Variants in SPTBN1 observed in about 807,000 individuals in gnomAD.
SPTBN1 encodes spectrin beta, non-erythrocytic 1, also known as spectrin beta chain, non-erythrocytic 1.
Under a neutral mutation model 266.4 loss-of-function variants are expected in SPTBN1, and 32 were observed. The ratio of observed to expected loss-of-function variants is 0.12; its 90% CI spans 0.09 to 0.16. The LOEUF (loss-of-function observed/expected upper bound fraction) is 0.16, where lower values mean the gene tolerates loss of function less well. SPTBN1 is among the 10% of genes least tolerant of loss of function. The probability of loss-of-function intolerance (pLI) is 1.00; values close to 1 mark genes in which losing one functional copy is unlikely to be tolerated. For synonymous variants in SPTBN1, 1,336 were observed against 1,162.2 expected, an observed-to-expected ratio of 1.15 and a Z score of -3.04; for missense variants, 2,296 against 3,067.1, an observed-to-expected ratio of 0.75 and a Z score of 5.94.
At chr2:54,555,363 A>G (rs960655716) in intron 2 of SPTBN1, among the ~76,000 whole-genome samples, 2 of 152,182 alleles carry the variant, frequency 1.3e-5, no homozygotes, top group Non-Finnish European at 2.9e-5. Flanking sequence ...CTAGAAGGAA[A>G]TGTGCACTTG....
In SPTBN1 at chr2:54,621,386, T is replaced by C; in HGVS notation, c.764-14T>C. 6.2e-7 allele frequency: 1 copy of C among 1,606,734 alleles called. No individual in the cohort carries two copies. ...GCATGCAACACACTGAACAGAGTCT[T>C]CTCTGGGTTACAGACATCAGCGTGG... On this transcript the variant is annotated splice_polypyrimidine_tract_variant and intron_variant, in intron 7 of 35. Coordinates refer to ENST00000356805, the MANE Select transcript of SPTBN1 (RefSeq NM_003128.3).
At chr2:54,604,730 A>G (rs1244828893) in intron 3 of SPTBN1, among the ~76,000 whole-genome samples, 2 of 152,292 alleles carry the variant, frequency 1.3e-5, no homozygotes, top group African/African-American at 4.8e-5. Context: ...TATGGCTGGT[A>G]AAGGTTTAGG....
chr2:54,621,140 A>G (rs1012937729), intron 7 of SPTBN1, among the ~76,000 whole-genome samples: 2 of 152,222 alleles, frequency 1.3e-5, no homozygotes, highest in African/African-American at 4.8e-5. Flanking sequence ...GAGCTAACCC[A>G]GTATGGTAGT....
intron 1 of SPTBN1, among the ~76,000 whole-genome samples, chr2:54,486,790 A>G (rs1178942767): frequency 6.6e-6 from 1 of 152,166 alleles, no homozygotes; most frequent in South Asian, 2.1e-4. Context: ...TGCAGAAGAA[A>G]TGAAGAAAGG....
chr2:54,595,415 C>A (rs1158770168), intron 2 of SPTBN1, among the ~76,000 whole-genome samples: 1 of 152,188 alleles, frequency 6.6e-6, no homozygotes, highest in Non-Finnish European at 1.5e-5. Flanking sequence ...TGGTTGGGAA[C>A]CTACTGAAAG....
Position 54,664,527 on chromosome 2 carries a change from C to T in SPTBN1, c.6495C>T (p.Ser2165=), listed in dbSNP as rs2104251107. 1 of 1,614,172 alleles carries T rather than the reference C, an allele frequency of 6.2e-7. No homozygotes were observed. The highest frequency in any genetic ancestry group is 8.5e-7 in the Non-Finnish European group (1 of 1,180,032). Residue 2165 remains serine, a synonymous_variant, in exon 33 of 36, where the codon AGC becomes AGT. Coordinates refer to ENST00000356805, the MANE Select transcript of SPTBN1 (RefSeq NM_003128.3). This position sits in a 1 kb window ranked among gnomAD's most constrained non-coding sequence, Gnocchi z 5.6. ...TEQRTSSKES[S]PIPSPTSDRK... ...AAAGGACGAGCTCTAAAGAGTCCAG[C>T]CCCATCCCCTCCCCGACCTCTGATC...
At position 54,645,135 on chromosome 2, in the gene SPTBN1, T is replaced by C. The variant is rs966824084; in HGVS notation, c.4270-94T>C. On this transcript the variant is annotated intron_variant, in intron 20 of 35. Coordinates refer to ENST00000356805, the MANE Select transcript of SPTBN1 (RefSeq NM_003128.3). The surrounding 1 kb of genome is among the most constrained non-coding windows in gnomAD (Gnocchi z 4.3). The stretch of plus-strand genomic sequence containing the variant: ...GTGGCTCCCATGGCTGGCTTTGCGG[T>C]GTGGCCAAGTCCCAGGCCCAGCAGT... The C allele has an allele frequency of 6.0e-6, 8 of 1,338,270 alleles. No homozygotes were observed. The highest frequency in any genetic ancestry group is 8.3e-6 in the Non-Finnish European group (8 of 958,476). 82.9% of individuals were successfully genotyped at this position (1,338,270 alleles called of 1,614,324 possible). A position where few individuals can be genotyped will look rare whatever the true frequency, so the allele number is the denominator to read the frequency against.
chr2:54,654,632 G>C (rs532529193), intron 27 of SPTBN1, among the ~76,000 whole-genome samples: 1 of 152,134 alleles, frequency 6.6e-6, no homozygotes, highest in Non-Finnish European at 1.5e-5. Context: ...TAAGGAGACC[G>C]TATTAGCTGC....
intron 3 of SPTBN1, among the ~76,000 whole-genome samples, chr2:54,603,483 T>C (rs1651450824): frequency 6.6e-6 from 1 of 152,172 alleles, no homozygotes; most frequent in Non-Finnish European, 1.5e-5. Context: ...AGGCCAGTGC[T>C]GCTAGTAGGC....
At chr2:54,463,591 G>A (rs556309016) in intron 1 of SPTBN1, among the ~76,000 whole-genome samples, 8 of 152,326 alleles carry the variant, frequency 5.3e-5, no homozygotes, top group South Asian at 2.1e-4. Context: ...TAAAATAGTC[G>A]TAATGAGAGT....
intron 1 of SPTBN1, among the ~76,000 whole-genome samples, chr2:54,499,188 A>G (rs1669125387): frequency 6.6e-6 from 1 of 151,984 alleles, no homozygotes; most frequent in African/African-American, 2.4e-5. Flanking sequence ...GCCTATTTTG[A>G]CTCAATAGTG....
intron 1 of SPTBN1, among the ~76,000 whole-genome samples, chr2:54,511,793 C>T (rs775991242): frequency 3.6e-4 from 54 of 152,108 alleles, no homozygotes; most frequent in South Asian, 6.2e-4. Context: ...ACCTCTTGAA[C>T]CCAAGAGGTG....
intron 1 of SPTBN1, chr2:54,516,070 C>T (rs1242119433): frequency 6.6e-6 from 1 of 152,002 alleles, no homozygotes; most frequent in Non-Finnish European, 1.5e-5. Flanking sequence ...TATTTAAGAG[C>T]CTTGAGTCTT....
chr2:54,476,120 G>A (rs114689896), intron 1 of SPTBN1, among the ~76,000 whole-genome samples: 224 of 151,812 alleles, frequency 1.5e-3, no homozygotes, highest in African/African-American at 5.1e-3. Context: ...AATCTCGGTG[G>A]CTCAAACTCA....
At chr2:54,609,253 C>T (rs183127304) in intron 3 of SPTBN1, among the ~76,000 whole-genome samples, 17 of 152,284 alleles carry the variant, frequency 1.1e-4, no homozygotes, top group African/African-American at 2.6e-4. Flanking sequence ...AGTCGTCTTC[C>T]GTTAATTCTT....
chr2:54,527,473 C>A (rs1409422099), intron 2 of SPTBN1: 1 of 152,266 alleles, frequency 6.6e-6, no homozygotes, highest in Non-Finnish European at 1.5e-5. Flanking sequence ...CATTTAGAGT[C>A]ATCTTGATTG....
At chr2:54,604,556 A>C (rs749616038) in intron 3 of SPTBN1, among the ~76,000 whole-genome samples, 3 of 152,144 alleles carry the variant, frequency 2.0e-5, no homozygotes, top group Non-Finnish European at 4.4e-5. Context: ...TTTTTGGTCC[A>C]TGCGAAGGAA....
intron 2 of SPTBN1, among the ~76,000 whole-genome samples, chr2:54,598,509 G>A (rs954124738): frequency 2.0e-5 from 3 of 152,104 alleles, no homozygotes; most frequent in Admixed American, 1.3e-4. Context: ...AGGTGAAGAC[G>A]GTCATTGCCA....
intron 5 of SPTBN1, 70 bp downstream of exon 5, chr2:54,616,368 G>A (rs1677608478): frequency 1.4e-6 from 2 of 1,380,536 alleles, no homozygotes; most frequent in South Asian, 2.6e-5. Flanking sequence ...TCATCACTTA[G>A]AAGGTGTTGA....
Sources: allele counts gnomAD v4.1 joint callset (sites outside exome capture counted in the v4.1 genomes callset), GRCh38; gene constraint gnomAD v4.1.1; non-coding constraint Gnocchi (gnomAD v3.1); transcripts MANE v1.5; gene names NCBI Gene and HGNC (gene_info 2026-07-23, HGNC 2026-07-21).